Variants in ZMYND11 observed in about 807,000 individuals in gnomAD.
The protein encoded by ZMYND11 is zinc finger MYND-type containing 11.
Under a neutral mutation model 84.9 loss-of-function variants are expected in ZMYND11, and 9 were observed. The ratio of observed to expected loss-of-function variants is 0.11; its 90% CI spans 0.06 to 0.18. The LOEUF (loss-of-function observed/expected upper bound fraction) is 0.18, where lower values mean the gene tolerates loss of function less well. Ranked by LOEUF, ZMYND11 falls within the 10% of genes least tolerant of loss-of-function variation. The pLI is 1.00. For missense variants in ZMYND11, 409 were observed against 761.0 expected (o/e 0.54, Z 5.44); for synonymous variants, 250 against 244.1 (o/e 1.02, Z -0.23).
At chr10:162,370 G>C (rs1554762180) in intron 1 of ZMYND11, among the ~76,000 whole-genome samples, 2 of 151,500 alleles carry the variant, frequency 1.3e-5, no homozygotes, top group Admixed American at 6.6e-5. Flanking sequence ...GTTATCCAGA[G>C]ACATGAACTG....
chr10:235,117 G>C (rs975921210), intron 4 of ZMYND11, among the ~76,000 whole-genome samples: 9 of 152,006 alleles, frequency 5.9e-5, no homozygotes, highest in Admixed American at 4.6e-4. Context: ...ACATCACATT[G>C]TACACCATTA....
At chr10:246,495 G>T (rs1952190881) in intron 10 of ZMYND11, among the ~76,000 whole-genome samples, 1 of 152,176 alleles carries the variant, frequency 6.6e-6, no homozygotes, top group South Asian at 2.1e-4. Flanking sequence ...CCAGTTCTGA[G>T]AACTTTTGTC....
intron 4 of ZMYND11, among the ~76,000 whole-genome samples, chr10:224,005 A>C (rs1205173085): frequency 1.3e-5 from 2 of 152,180 alleles, no homozygotes; most frequent in Non-Finnish European, 1.5e-5. Flanking sequence ...ATAAAGAATG[A>C]TGAAGATAAG....
intron 6 of ZMYND11, among the ~76,000 whole-genome samples, 164 bp from the exon 7 acceptor site, chr10:239,274 G>C (rs1422543935): frequency 6.6e-6 from 1 of 152,234 alleles, no homozygotes; most frequent in Non-Finnish European, 1.5e-5. Flanking sequence ...AAAACCGCAG[G>C]TGGCGTTGTT....
Position 239,359 on chromosome 10 carries a change from T to G in ZMYND11, c.610-79T>G. 3.5e-6 allele frequency: 4 copies of G among 1,142,836 alleles called. No individual in the cohort carries two copies. The South Asian group carries it at 5.4e-5, about 15-fold the overall frequency. The allele number at this position is 1,142,836 out of a possible 1,614,324, so 70.8% of individuals were successfully genotyped here. ...ATCCTGATGTCATCCTAGAAAAGAC[T>G]GCTTGTCCTGTGAACTTAGTCCAGA... is the stretch of plus-strand genomic sequence containing the variant. On this transcript the variant is annotated intron_variant, in intron 6 of 14. Coordinates refer to ENST00000381604, the MANE Select transcript of ZMYND11 (RefSeq NM_001370100.5).
intron 2 of ZMYND11, among the ~76,000 whole-genome samples, chr10:190,435 A>G (rs1940050897): frequency 6.6e-6 from 1 of 152,160 alleles, no homozygotes; most frequent in Non-Finnish European, 1.5e-5. Flanking sequence ...GGGCTCTCGC[A>G]GGCCCTCAGA....
At chr10:238,812 A>G (rs1378414459) in intron 6 of ZMYND11, among the ~76,000 whole-genome samples, 1 of 152,126 alleles carries the variant, frequency 6.6e-6, no homozygotes, top group Non-Finnish European at 1.5e-5. Context: ...GCCCCTTCTA[A>G]ACTGTAAGAC....
At chr10:192,555 A>G (rs1462845603) in intron 2 of ZMYND11, among the ~76,000 whole-genome samples, 2 of 152,248 alleles carry the variant, frequency 1.3e-5, no homozygotes, top group Non-Finnish European at 2.9e-5. Flanking sequence ...AGATGACACT[A>G]CAAGGAATTT....
At chr10:249,857 T>C (rs1043821364) in intron 14 of ZMYND11, 1 of 845,312 alleles carries the variant, frequency 1.2e-6, no homozygotes, top group African/African-American at 1.8e-5. Context: ...AAGAAATATT[T>C]TTAAATCTGT....
intron 1 of ZMYND11, among the ~76,000 whole-genome samples, chr10:151,166 C>G (rs1213533190): frequency 6.6e-6 from 1 of 152,158 alleles, no homozygotes; most frequent in Non-Finnish European, 1.5e-5. Flanking sequence ...GCACCTCTCC[C>G]CCTCCAAAGG....
chr10:139,669 C>A (rs1255410557), intron 1 of ZMYND11, among the ~76,000 whole-genome samples: 1 of 149,352 alleles, frequency 6.7e-6, no homozygotes, highest in Non-Finnish European at 1.5e-5. Flanking sequence ...AAGTTACTTA[C>A]ACGTACACTG....
intron 1 of ZMYND11, among the ~76,000 whole-genome samples, chr10:179,323 A>G (rs549165655): frequency 5.2e-4 from 79 of 152,218 alleles, no homozygotes; most frequent in Admixed American, 1.6e-3. Flanking sequence ...GTTTTCTTCA[A>G]TTCATCTGGA....
At chr10:172,513 C>T (rs1027252891) in intron 1 of ZMYND11, among the ~76,000 whole-genome samples, 9 of 151,920 alleles carry the variant, frequency 5.9e-5, no homozygotes, top group Admixed American at 5.2e-4. Context: ...TTAGTACCCC[C>T]GAAATGAAAT....
chr10:214,497 C>G (rs1297054177), intron 3 of ZMYND11, among the ~76,000 whole-genome samples: 2 of 152,128 alleles, frequency 1.3e-5, no homozygotes, highest in Non-Finnish European at 2.9e-5. Context: ...ACTCTATGGT[C>G]ATCTCACACT....
At chr10:142,874 A>G (rs943558705) in intron 1 of ZMYND11, among the ~76,000 whole-genome samples, 1 of 152,204 alleles carries the variant, frequency 6.6e-6, no homozygotes, top group African/African-American at 2.4e-5. Context: ...AAGCATAGAT[A>G]ATTGGTTCAT....
chr10:246,553 GTTTA>G (rs1178976692), intron 10 of ZMYND11, among the ~76,000 whole-genome samples: 2 of 152,280 alleles, frequency 1.3e-5, no homozygotes, highest in South Asian at 2.1e-4. Flanking sequence ...CTTGGTAACA[GTTTA>G]TTTATTCAAG....
chr10:247,354 T>C (rs200613602), intron 11 of ZMYND11, 44 bp from the exon 12 acceptor site: 8 of 1,604,744 alleles, frequency 5.0e-6, no homozygotes, highest in Non-Finnish European at 1.7e-6. Context: ...AGAGAAGTAT[T>C]TTCTAGTGTC....
chr10:247,513 ATATTTTCAAAGTATTTTG>A (rs761668137), intron 12 of ZMYND11, 47 bp downstream of exon 12: 35 of 1,574,666 alleles, frequency 2.2e-5, no homozygotes, highest in South Asian at 1.5e-4. Flanking sequence ...GAAACAGGAA[ATATTTTCAAAGTATTTTG>A]TATTTTCAAA....
Position 167,203 on chromosome 10 carries a change from C to T in ZMYND11, c.-19-12791C>T, listed in dbSNP as rs548439266. Among the ~76,000 whole-genome samples, 6 of 152,066 alleles carry T rather than the reference C, an allele frequency of 3.9e-5. No homozygotes were observed. In the East Asian group the frequency reaches 1.2e-3, roughly 29 times the overall value. On this transcript the variant is annotated intron_variant, in intron 1 of 14. Transcript: ENST00000381604. The stretch of plus-strand genomic sequence containing the variant: ...GGGAATGTAAAGTAGTTAGTGCTGC[C>T]AGATTGTGTACTCAAAAATGGGTAA...
Sources: gnomAD v4.1 joint callset for allele counts (sites outside exome capture counted in the v4.1 genomes callset) on GRCh38, gnomAD v4.1.1 for gene constraint, MANE v1.5 for transcripts, NCBI Gene and HGNC (gene_info 2026-07-23, HGNC 2026-07-21) for gene names.